The following SDR42E1 variants were observed in gnomAD, a reference collection of about 807,000 sequenced individuals.
SDR42E1 encodes short chain dehydrogenase/reductase family 42E, member 1, also known as short-chain dehydrogenase/reductase family 42E member 1.
SDR42E1 carries 5 observed loss-of-function variants against 2.6 expected under a neutral mutation model. The ratio of observed to expected loss-of-function variants is 1.94; its 90% CI spans 1.01 to 4.08. The LOEUF is 4.08. Among genes scored for constraint, SDR42E1 ranks in the 30% most tolerant of loss-of-function variants. SDR42E1 has a pLI of 0.00. For synonymous variants in SDR42E1, 231 were observed against 188.3 expected, an observed-to-expected ratio of 1.23 and a Z score of -1.86; for missense variants, 596 against 478.6, an observed-to-expected ratio of 1.25 and a Z score of -2.29.
chr16:81,999,963 G>A lies in SDR42E1; in HGVS notation c.330C>T (p.Cys110=), dbSNP rs1912693485. Residue 110 remains cysteine, a synonymous_variant, in exon 3 of 3, where the codon TGC becomes TGT. Coordinates refer to ENST00000328945, the MANE Select transcript of SDR42E1 (RefSeq NM_145168.3). The part of the protein sequence containing the change: ...VRGTDNILQV[C]QRRRVPRLVY... Reference sequence around the variant, plus strand: ...CTAACCTGGGCACCCTTCTCCTTTGGCAAACCTGGAGGATGTTGTCTGTGC... The same window carrying A: ...CTAACCTGGGCACCCTTCTCCTTTGACAAACCTGGAGGATGTTGTCTGTGC... The A allele has an allele frequency of 6.2e-7, 1 of 1,614,160 alleles. No homozygotes were observed. Among genetic ancestry groups the A allele is most frequent in the Non-Finnish European group, 8.5e-7 (1 of 1,180,022 alleles).
At position 81,999,201 on chromosome 16, in the gene SDR42E1, C is replaced by T. The variant is rs376200470; in HGVS notation, c.1092G>A (p.Ser364=). ...GHGRSSGSRD[S]ECFVWDGLLV... is the part of the protein sequence containing the mutation. ...ATAGCCCATCCCAAACAAAACACTC[C>T]GAGTCACGACTTCCAGAACTTCTGC... is the stretch of plus-strand genomic sequence containing the variant. Residue 364 remains serine (S), a synonymous_variant, in exon 3 of 3, where the codon TCG becomes TCA. Coordinates refer to ENST00000328945, the MANE Select transcript of SDR42E1 (RefSeq NM_145168.3). The T allele has an allele frequency of 5.7e-5, 92 of 1,614,172 alleles. No individual in the cohort carries two copies. Among genetic ancestry groups the T allele is most frequent in the East Asian group, 3.1e-4 (14 of 44,882 alleles).
At chr16:82,009,630 G>A (rs554110590) in intron 1 of SDR42E1, among the ~76,000 whole-genome samples, 1 of 152,244 alleles carries the variant, frequency 6.6e-6, no homozygotes, top group South Asian at 2.1e-4. Context: ...TATCTAGGAA[G>A]TAACTAACTT....
At chr16:82,010,889 A>T (rs1323067865) in intron 1 of SDR42E1, among the ~76,000 whole-genome samples, 1 of 152,176 alleles carries the variant, frequency 6.6e-6, no homozygotes, top group East Asian at 1.9e-4. Flanking sequence ...CTCCACCTCC[A>T]CAATTTCTGT....
At chr16:82,005,891 T>G (rs749154899) in intron 1 of SDR42E1, among the ~76,000 whole-genome samples, 2 of 152,228 alleles carry the variant, frequency 1.3e-5, no homozygotes, top group Non-Finnish European at 2.9e-5. Flanking sequence ...CCACCTGACC[T>G]CTTGAGAATA....
rs534329804 is a variant in SDR42E1 at position 81,998,402 on chromosome 16, A to C, written c.*709T>G. 4 of 152,404 alleles carry C rather than the reference A, an allele frequency of 2.6e-5. No individual in the cohort carries two copies. The South Asian group carries it at 8.3e-4, about 32-fold the overall frequency. The allele number at this position is 152,404 out of a possible 1,614,324, so 9.4% of individuals were successfully genotyped here. On this transcript the variant is annotated 3_prime_UTR_variant, in exon 3 of 3. Coordinates refer to ENST00000328945, the MANE Select transcript of SDR42E1 (RefSeq NM_145168.3). Reference sequence around the variant, plus strand: ...AGCCCTCTAAAGAGAACACTGAGGAAGAAAGCCCTCATAAGGAATGTACCA... The same window carrying C: ...AGCCCTCTAAAGAGAACACTGAGGACGAAAGCCCTCATAAGGAATGTACCA...
chr16:81,989,668 G>C lies in SDR42E1; in HGVS notation c.*9443C>G, dbSNP rs946833083. The C allele has an allele frequency of 1.3e-5, 2 of 152,154 alleles. No individual in the cohort carries two copies. Among genetic ancestry groups the C allele is most frequent in the Non-Finnish European group, 2.9e-5 (2 of 68,028 alleles). The allele number at this position is 152,154 out of a possible 1,614,324, so 9.4% of individuals were successfully genotyped here. A position where few individuals can be genotyped will look rare whatever the true frequency, so the allele number is the denominator to read the frequency against. On this transcript the variant is annotated 3_prime_UTR_variant, in exon 3 of 3. Transcript: ENST00000328945. The stretch of plus-strand genomic sequence containing the variant: ...AATTGACTCTGCAATCTCAAGAAAA[G>C]AAAAACTCATTTTCAGTTTAGAGCT...
At position 81,996,089 on chromosome 16, in the gene SDR42E1, T is replaced by C. The variant is rs1361023077; in HGVS notation, c.*3022A>G. 1 of 152,182 alleles carries C rather than the reference T, an allele frequency of 6.6e-6. No homozygotes were observed. The highest frequency in any genetic ancestry group is 2.4e-5 in the African/African-American group (1 of 41,446). 9.4% of individuals were successfully genotyped at this position (152,182 alleles called of 1,614,324 possible). A position where few individuals can be genotyped will look rare whatever the true frequency, so the allele number is the denominator to read the frequency against. ...GCAGAGAAGGCAGAATAATGTGAGA[T>C]GAAGTTAGAGAGACAGGCAAGGGGC... On this transcript the variant is annotated 3_prime_UTR_variant, in exon 3 of 3. Transcript: ENST00000328945.
chr16:82,004,465 G>A (rs577815466), intron 1 of SDR42E1, among the ~76,000 whole-genome samples: 46 of 152,252 alleles, frequency 3.0e-4, no homozygotes, highest in Non-Finnish European at 5.7e-4. Context: ...TGAGCCTGGA[G>A]ACAGGCTTCT....
rs1912406269 is a variant in SDR42E1 at position 81,990,695 on chromosome 16, T to C, written c.*8416A>G. The C allele has an allele frequency of 6.6e-6, 1 of 152,146 alleles. No individual in the cohort carries two copies. Among genetic ancestry groups the C allele is most frequent in the Non-Finnish European group, 1.5e-5 (1 of 68,028 alleles). 9.4% of individuals were successfully genotyped at this position (152,146 alleles called of 1,614,324 possible). ...GAGAGGCATTTGCTCAAAGTCACATTGCAAATAAGAGATGGCTCCAGGACA... is the reference window on the plus strand; with the variant it reads ...GAGAGGCATTTGCTCAAAGTCACATCGCAAATAAGAGATGGCTCCAGGACA... On this transcript the variant is annotated 3_prime_UTR_variant, in exon 3 of 3. Transcript: ENST00000328945.
chr16:81,999,369 C>G lies in SDR42E1; in HGVS notation c.924G>C (p.Gln308His). 1 of 1,614,190 alleles carries G rather than the reference C, an allele frequency of 6.2e-7. No homozygotes were observed. The highest frequency in any genetic ancestry group is 8.5e-7 in the Non-Finnish European group (1 of 1,180,034). Residue 308 changes from glutamine (Q) to histidine (H), a missense_variant, in exon 3 of 3, where the codon CAG becomes CAC. By Grantham distance (24) the Gln-to-His change is conservative. Transcript: ENST00000328945. ...AAACTTCAGTGCGAGTGAGGAAGGG[C>G]TGGAAGTTGTAGAGTCGACCCAAAA... is the stretch of plus-strand genomic sequence containing the variant. The part of the protein sequence containing the change: ...HFILGRLYNF[Q>H]PFLTRTEVYK...
At chr16:82,006,294 A>G (rs1301459762) in intron 1 of SDR42E1, among the ~76,000 whole-genome samples, 1 of 152,210 alleles carries the variant, frequency 6.6e-6, no homozygotes, top group Non-Finnish European at 1.5e-5. Context: ...CAGAGGTAAA[A>G]GGTAACTGTA....
rs1195180329 is a variant in SDR42E1 at position 81,995,455 on chromosome 16, G to C, written c.*3656C>G. ...TAGACTAAGTCTTTTAAAGTGGTGA[G>C]TTTTCAGCTGAGATGTGGAGGGAGC... On this transcript the variant is annotated 3_prime_UTR_variant, in exon 3 of 3. Transcript: ENST00000328945. 2 of 152,198 alleles carry C rather than the reference G, an allele frequency of 1.3e-5. No homozygotes were observed. Among genetic ancestry groups the C allele is most frequent in the African/African-American group, 4.8e-5 (2 of 41,440 alleles). The allele number at this position is 152,198 out of a possible 1,614,324, so 9.4% of individuals were successfully genotyped here.
In SDR42E1 at chr16:81,997,594, T is replaced by C. The variant is rs1398691953; in HGVS notation, c.*1517A>G. The C allele has an allele frequency of 6.6e-6, 1 of 152,242 alleles. No individual in the cohort carries two copies. The highest frequency in any genetic ancestry group is 1.5e-5 in the Non-Finnish European group (1 of 68,054). The allele number at this position is 152,242 out of a possible 1,614,324, so 9.4% of individuals were successfully genotyped here. On this transcript the variant is annotated 3_prime_UTR_variant, in exon 3 of 3. Transcript: ENST00000328945. Reference sequence around the variant, plus strand: ...CCAGGCTAATGCAAAAGCTTCTTTATGACAGAAAAGACTCCAAACACGTTT... The same window carrying C: ...CCAGGCTAATGCAAAAGCTTCTTTACGACAGAAAAGACTCCAAACACGTTT...
At chr16:82,001,126 T>C (rs1416633938) in intron 1 of SDR42E1, among the ~76,000 whole-genome samples, 3 of 152,000 alleles carry the variant, frequency 2.0e-5, no homozygotes, top group Non-Finnish European at 4.4e-5. Context: ...AATGTGGAGG[T>C]TAAATAAGAG....
At chr16:82,005,756 T>C (rs1274844984) in intron 1 of SDR42E1, among the ~76,000 whole-genome samples, 7 of 152,074 alleles carry the variant, frequency 4.6e-5, no homozygotes, top group African/African-American at 1.7e-4. Flanking sequence ...TCTCCCCTGG[T>C]GGGGAGGGCT....
chr16:82,011,175 G>C (rs879383413), intron 1 of SDR42E1, among the ~76,000 whole-genome samples: 13 of 152,338 alleles, frequency 8.5e-5, no homozygotes, highest in South Asian at 4.1e-4. Flanking sequence ...CAGTGTTTGA[G>C]GCCTTGGCGA....
intron 1 of SDR42E1, among the ~76,000 whole-genome samples, chr16:82,009,149 G>A (rs1913043459): frequency 6.6e-6 from 1 of 152,200 alleles, no homozygotes; most frequent in Non-Finnish European, 1.5e-5. Flanking sequence ...GGATGTCCAG[G>A]CAGAAGTTGG....
chr16:82,002,261 A>G (rs1912793769), intron 1 of SDR42E1, among the ~76,000 whole-genome samples: 1 of 152,184 alleles, frequency 6.6e-6, no homozygotes, highest in Non-Finnish European at 1.5e-5. Context: ...AAGAAAAAAT[A>G]TGGGGGACAG....
At chr16:82,001,216 G>C (rs911687725) in intron 1 of SDR42E1, among the ~76,000 whole-genome samples, 5 of 152,124 alleles carry the variant, frequency 3.3e-5, no homozygotes, top group Admixed American at 6.5e-5. Flanking sequence ...AAAATGATTA[G>C]AGCCTTTTTG....
Sources: gnomAD v4.1 joint callset for allele counts (sites outside exome capture counted in the v4.1 genomes callset) on GRCh38, gnomAD v4.1.1 for gene constraint, MANE v1.5 for transcripts, NCBI Gene and HGNC (gene_info 2026-07-23, HGNC 2026-07-21) for gene names.